ALG13: variants seen among roughly 807,000 people sequenced by gnomAD.
The protein encoded by ALG13 is ALG13 UDP-N-acetylglucosaminyltransferase subunit.
ALG13 carries 11 observed loss-of-function variants against 87.8 expected under a neutral mutation model. That is an observed-to-expected ratio of 0.13 (90% CI 0.08 to 0.21). The LOEUF (loss-of-function observed/expected upper bound fraction) is 0.21, where lower values mean the gene tolerates loss of function less well. Among genes scored for constraint, ALG13 ranks in the 10% least tolerant of loss-of-function variants. ALG13 has a pLI of 1.00. For synonymous variants in ALG13, 320 were observed against 306.3 expected, an observed-to-expected ratio of 1.04 and a Z score of -0.47; for missense variants, 756 against 866.1, an observed-to-expected ratio of 0.87 and a Z score of 1.60.
In ALG13 at chrX:111,696,582, G is replaced by A. The variant is rs757552330; in HGVS notation, c.384-11445G>A. 1.3e-4 allele frequency among the ~76,000 whole-genome samples: 14 copies of A among 111,782 alleles called. No individual in the cohort carries two copies. The East Asian group carries it at 3.9e-3, about 31-fold the overall frequency. ...CATACCTCATTTAATTGGTTGAAAC[G>A]TGAAGTGTTATTTTAGAATTAAAAT... On this transcript the variant is annotated intron_variant, in intron 3 of 26. Transcript: ENST00000394780.
At chrX:111,729,587 C>T (rs761781160) in intron 19 of ALG13, among the ~76,000 whole-genome samples, 1 of 111,548 alleles carries the variant, frequency 9.0e-6, no homozygotes, top group Admixed American at 9.5e-5. Flanking sequence ...CAAATCTTTG[C>T]TCCCACCTTA....
intron 3 of ALG13, among the ~76,000 whole-genome samples, chrX:111,692,879 C>T (rs543915008): frequency 9.0e-6 from 1 of 111,356 alleles, no homozygotes; most frequent in African/African-American, 3.3e-5. Flanking sequence ...TCCTCTGCCT[C>T]CCCTGGTCAA....
rs1940881309 is a variant in ALG13, at chrX:111,718,015, T to C, written c.1087+88T>C. On this transcript the variant is annotated intron_variant, in intron 9 of 26. Transcript: ENST00000394780. Reference sequence around the variant, plus strand: ...CACCATGAATAGCCCCTTTAAAACCTTGTTGGTACCTATTTGCACGCAGGA... The same window carrying C: ...CACCATGAATAGCCCCTTTAAAACCCTGTTGGTACCTATTTGCACGCAGGA... 2.5e-5 allele frequency: 27 copies of C among 1,072,313 alleles called. 1 individual carries two copies. In the South Asian group the frequency reaches 5.0e-4, roughly 20 times the overall value. 88.4% of individuals were successfully genotyped at this position (1,072,313 alleles called of 1,213,427 possible).
At chrX:111,693,690 T>C (rs1936535843) in intron 3 of ALG13, among the ~76,000 whole-genome samples, 1 of 112,320 alleles carries the variant, frequency 8.9e-6, no homozygotes, top group East Asian at 2.8e-4. Flanking sequence ...AAATTACTTA[T>C]TTTGATTGAC....
intron 26 of ALG13, among the ~76,000 whole-genome samples, chrX:111,758,837 C>T (rs774835946): frequency 6.3e-5 from 7 of 111,689 alleles, no homozygotes; most frequent in Non-Finnish European, 9.4e-5. Flanking sequence ...CGGTGGTTCA[C>T]GCCTATAATC....
chrX:111,708,094 G>A lies in ALG13; in HGVS notation c.451G>A (p.Ala151Thr). 8.3e-7 allele frequency: 1 copy of A among 1,211,390 alleles called. No homozygotes were observed. Among genetic ancestry groups the A allele is most frequent in the Non-Finnish European group, 1.1e-6 (1 of 895,334 alleles). ...TCCTGGGAAGTGCCAAGATTCTGCA[G>A]CGCTGACTTCAACTGCCTTTTCAGG... ...SAPGKCQDSA[A>T]LTSTAFSGLD... The change falls in exon 4 of 27, where the codon GCG (alanine) becomes ACG (threonine). Residue 151 changes from alanine (A) to threonine (T), a missense_variant. By Grantham distance (58) the Ala-to-Thr change is moderately conservative. Transcript: ENST00000394780.
intron 3 of ALG13, among the ~76,000 whole-genome samples, chrX:111,691,087 A>G (rs1410867515): frequency 9.0e-6 from 1 of 110,852 alleles, no homozygotes; most frequent in Non-Finnish European, 1.9e-5. Context: ...TACATGTAAT[A>G]CCATTTATTT....
chrX:111,689,480 C>T (rs1935744308), intron 3 of ALG13: 1 of 753,908 alleles, frequency 1.3e-6, no homozygotes, highest in Non-Finnish European at 1.6e-6. Context: ...CTATCTACTT[C>T]CCCAGAATAA....
At position 111,730,396 on chromosome X, in the gene ALG13, G is replaced by A; in HGVS notation, c.2370G>A (p.Gly790=). 8.3e-7 allele frequency: 1 copy of A among 1,209,054 alleles called. No homozygotes were observed. Among genetic ancestry groups the A allele is most frequent in the Non-Finnish European group, 1.1e-6 (1 of 893,519 alleles). Residue 790 remains glycine (G), a splice_region_variant and synonymous_variant, in exon 20 of 27, where the codon GGG becomes GGA. Coordinates refer to ENST00000394780, the MANE Select transcript of ALG13 (RefSeq NM_001099922.3). ...TTCTGTCTTGTCTTTTTTCCCCAGG[G>A]CGATATCATGAAGAATATCTTTATC... ...LEEGNGQSEN[G]RYHEEYLYRA...
chrX:111,756,544 G>T (rs1250416090), intron 25 of ALG13, among the ~76,000 whole-genome samples: 1 of 111,951 alleles, frequency 8.9e-6, no homozygotes, highest in Non-Finnish European at 1.9e-5. Context: ...AGTGAAAGGT[G>T]TCTCCGAGTT....
rs1403659645 is a variant in ALG13 at position 111,688,046 on chromosome X, T to C, written c.383+2943T>C. On this transcript the variant is annotated intron_variant, in intron 3 of 26. Transcript: ENST00000394780. The stretch of plus-strand genomic sequence containing the variant: ...TTAAAAGCAACCCCCAAATTCAACC[T>C]ATGTAATGTGATTAAATCAAATTAA... 4 of 1,022,324 alleles carry C rather than the reference T, an allele frequency of 3.9e-6. No homozygotes were observed. In the East Asian group the frequency reaches 1.2e-4, roughly 30 times the overall value. 84.3% of individuals were successfully genotyped at this position (1,022,324 alleles called of 1,213,427 possible).
At chrX:111,729,503 T>C (rs146593313) in intron 19 of ALG13, among the ~76,000 whole-genome samples, 160 of 111,835 alleles carry the variant, frequency 1.4e-3, no homozygotes, top group African/African-American at 4.9e-3. Context: ...TAAGGACATT[T>C]ACTGTCTGCT....
intron 1 of ALG13, chrX:111,681,930 T>G (rs1933461209): frequency 1.7e-4 from 147 of 868,349 alleles, no homozygotes; most frequent in East Asian, 5.1e-4. Flanking sequence ...GCTGGGTCGC[T>G]TAGATTCATG....
intron 5 of ALG13, among the ~76,000 whole-genome samples, chrX:111,710,695 A>T (rs1602651136): frequency 9.0e-6 from 1 of 111,647 alleles, no homozygotes; most frequent in East Asian, 2.8e-4. Context: ...AGTTTATTGT[A>T]TGTCATTTAT....
chrX:111,712,765 T>C (rs1035427339), intron 7 of ALG13, among the ~76,000 whole-genome samples: 5 of 112,238 alleles, frequency 4.5e-5, no homozygotes, highest in Non-Finnish European at 9.4e-5. Context: ...AAAGCTTTGT[T>C]GGAACACAGT....
intron 8 of ALG13, among the ~76,000 whole-genome samples, chrX:111,715,544 C>A (rs1302871994): frequency 9.0e-6 from 1 of 110,791 alleles, no homozygotes; most frequent in African/African-American, 3.3e-5. Context: ...ATGGTGAAAC[C>A]CCGTGTCTAT....
At position 111,726,623 on chromosome X, in the gene ALG13, G is replaced by A. The variant is rs112439105; in HGVS notation, c.1730-186G>A. Among the ~76,000 whole-genome samples, 198 of 110,585 alleles carry A rather than the reference G, an allele frequency of 1.8e-3. 2 individuals carry two copies. The highest frequency in any genetic ancestry group is 6.3e-3 in the African/African-American group (190 of 30,381). ...CCCATTGATACAGAAATTACCTGCT[G>A]GTTTTGTCCTTCCAAATAAAAGATC... On this transcript the variant is annotated intron_variant, in intron 15 of 26. Coordinates refer to ENST00000394780, the MANE Select transcript of ALG13 (RefSeq NM_001099922.3).
intron 3 of ALG13, among the ~76,000 whole-genome samples, chrX:111,707,517 T>C (rs1332359527): frequency 3.6e-5 from 4 of 111,952 alleles, no homozygotes; most frequent in Non-Finnish European, 5.6e-5. Flanking sequence ...GCCTTGGCAC[T>C]TAGCTTGAAC....
intron 5 of ALG13, among the ~76,000 whole-genome samples, chrX:111,710,189 C>A (rs767372180): frequency 9.1e-6 from 1 of 110,052 alleles, no homozygotes; most frequent in Non-Finnish European, 1.9e-5. Context: ...CGCCACCTCA[C>A]TGGGCTAAGT....
Sources: allele counts gnomAD v4.1 joint callset (sites outside exome capture counted in the v4.1 genomes callset), GRCh38; gene constraint gnomAD v4.1.1; transcripts MANE v1.5; gene names NCBI Gene and HGNC (gene_info 2026-07-23, HGNC 2026-07-21).